POC1B: variants seen among roughly 807,000 people sequenced by gnomAD.
POC1B encodes the protein POC1 centriolar protein homolog B.
A neutral mutation model predicts 60.6 loss-of-function variants in POC1B; 44 were observed. The ratio of observed to expected loss-of-function variants is 0.73; its 90% CI spans 0.57 to 0.93. The LOEUF (loss-of-function observed/expected upper bound fraction) is 0.93, where lower values mean the gene tolerates loss of function less well. Ranked by LOEUF, POC1B falls within the 40% of genes least tolerant of loss-of-function variation. POC1B has a pLI of 0.00. For missense variants in POC1B, 555 were observed against 572.3 expected (o/e 0.97, Z 0.31); for synonymous variants, 180 against 198.9 (o/e 0.90, Z 0.80).
At chr12:89,511,856 C>T (rs910590684) in intron 2 of POC1B, among the ~76,000 whole-genome samples, 2 of 152,244 alleles carry the variant, frequency 1.3e-5, no homozygotes, top group South Asian at 4.1e-4. Flanking sequence ...GAATTTGAGA[C>T]CAGTTTGGCC....
At chr12:89,473,980 G>A (rs528552233) in intron 4 of POC1B, among the ~76,000 whole-genome samples, 4 of 152,144 alleles carry the variant, frequency 2.6e-5, no homozygotes, top group East Asian at 1.9e-4. Context: ...CGAGGCAGGC[G>A]GATCACCTGA....
intron 2 of POC1B, among the ~76,000 whole-genome samples, chr12:89,516,118 C>T (rs980044086): frequency 1.3e-5 from 2 of 151,986 alleles, no homozygotes; most frequent in Non-Finnish European, 2.9e-5. Context: ...TTTCTTCCTC[C>T]ACTCTCTCTA....
the POC1B span, among the ~76,000 whole-genome samples, chr12:89,407,425 C>T: frequency 2.6e-5 from 4 of 151,592 alleles, no homozygotes; most frequent in Admixed American, 6.6e-5. Context: ...TTAGTAGAGA[C>T]GGGGGTTTCA....
At chr12:89,438,322 T>C (rs12811606) in intron 10 of POC1B, among the ~76,000 whole-genome samples, 4,155 of 152,140 alleles carry the variant, frequency 0.027, 83 homozygotes, top group Admixed American at 0.053. Flanking sequence ...CTGGGTGCGG[T>C]GGCGGGCACC....
intron 10 of POC1B, among the ~76,000 whole-genome samples, chr12:89,431,889 A>C (rs888151553): frequency 2.6e-5 from 4 of 152,220 alleles, no homozygotes; most frequent in Non-Finnish European, 4.4e-5. Context: ...ATTCCTTCTG[A>C]AGGCTCTAGG....
At chr12:89,425,430 A>G in intron 10 of POC1B, 51 bp from the exon 11 acceptor site, 1 of 1,454,180 alleles carries the variant, frequency 6.9e-7, no homozygotes, top group Non-Finnish European at 9.4e-7. Flanking sequence ...AAACTTTAAA[A>G]TGATATATAT....
intron 9 of POC1B, among the ~76,000 whole-genome samples, chr12:89,464,665 T>C (rs1882615479): frequency 6.6e-6 from 1 of 151,590 alleles, no homozygotes; most frequent in Non-Finnish European, 1.5e-5. Context: ...TTTTTGTATT[T>C]TTAGTAGAGA....
intron 2 of POC1B, chr12:89,500,070 C>A: frequency 3.1e-6 from 4 of 1,300,458 alleles, no homozygotes; most frequent in Admixed American, 2.0e-5. Context: ...CAGACACCTG[C>A]GCTGGCTCAG....
intron 2 of POC1B, among the ~76,000 whole-genome samples, chr12:89,508,957 G>A (rs375598879): frequency 1.1e-4 from 17 of 152,184 alleles, no homozygotes; most frequent in African/African-American, 3.9e-4. Context: ...AGTCTTAGGC[G>A]GTTCTTTATA....
At chr12:89,519,787 T>C (rs1407921580) in intron 2 of POC1B, 1 of 127,488 alleles carries the variant, frequency 7.8e-6, no homozygotes, top group East Asian at 2.4e-4. Flanking sequence ...GTTATAGGGA[T>C]CCTCCTGGTG....
intron 2 of POC1B, among the ~76,000 whole-genome samples, chr12:89,512,234 G>A (rs1308825087): frequency 1.3e-5 from 2 of 152,212 alleles, no homozygotes; most frequent in South Asian, 2.1e-4. Flanking sequence ...TGCCTTGAAT[G>A]AGGAAATAAC....
chr12:89,467,079 G>A (rs1428572904), intron 8 of POC1B, among the ~76,000 whole-genome samples, 157 bp from the exon 9 acceptor site: 3 of 152,056 alleles, frequency 2.0e-5, no homozygotes, highest in Non-Finnish European at 4.4e-5. Flanking sequence ...TTTTTTTAAG[G>A]TGTGGTTGAG....
At chr12:89,416,691 T>C (rs1303687671), downstream of POC1B, among the ~76,000 whole-genome samples, 1 of 152,220 alleles carries the variant, frequency 6.6e-6, no homozygotes, top group Non-Finnish European at 1.5e-5. Flanking sequence ...ACAGGCCCAA[T>C]AGTTGCAGAT....
chr12:89,443,318 T>C (rs1015738314), intron 10 of POC1B, among the ~76,000 whole-genome samples: 3 of 152,178 alleles, frequency 2.0e-5, no homozygotes, highest in Admixed American at 1.3e-4. Flanking sequence ...CAGCACCACA[T>C]TGCACTTATT....
chr12:89,477,991 A>G (rs1035528290), intron 4 of POC1B, among the ~76,000 whole-genome samples: 1 of 152,134 alleles, frequency 6.6e-6, no homozygotes, highest in Admixed American at 6.5e-5. Flanking sequence ...CTCTGCTTCA[A>G]TGTCACTTCC....
At chr12:89,406,141 T>A in the POC1B span, among the ~76,000 whole-genome samples, 2 of 152,050 alleles carry the variant, frequency 1.3e-5, no homozygotes, top group African/African-American at 4.8e-5. Context: ...CAGAGACACA[T>A]GGCCAAGCTG....
At chr12:89,452,040 G>C (rs1484300668) in intron 10 of POC1B, among the ~76,000 whole-genome samples, 1 of 152,128 alleles carries the variant, frequency 6.6e-6, no homozygotes, top group Non-Finnish European at 1.5e-5. Context: ...GCTCACTGCT[G>C]TTCTTGCATT....
At chr12:89,436,552 A>C (rs1034944100) in intron 10 of POC1B, among the ~76,000 whole-genome samples, 3 of 152,134 alleles carry the variant, frequency 2.0e-5, no homozygotes, top group African/African-American at 4.8e-5. Flanking sequence ...CATCTCTACT[A>C]AAAATACAAA....
chr12:89,472,308 G>A (rs1290736937), intron 4 of POC1B, 33 bp from the exon 5 acceptor site: 1 of 1,442,304 alleles, frequency 6.9e-7, no homozygotes. Flanking sequence ...TGTTTTATGT[G>A]AAAGGCTCTG....
Sources: gnomAD v4.1 joint callset for allele counts (sites outside exome capture counted in the v4.1 genomes callset) on GRCh38, gnomAD v4.1.1 for gene constraint, MANE v1.5 for transcripts, NCBI Gene and HGNC (gene_info 2026-07-23, HGNC 2026-07-21) for gene names.